Variants in LRMDA observed in about 807,000 individuals in gnomAD.
The protein encoded by LRMDA is leucine rich melanocyte differentiation associated.
Under a neutral mutation model 29.8 loss-of-function variants are expected in LRMDA, and 18 were observed. The ratio of observed to expected loss-of-function variants is 0.60; its 90% confidence interval spans 0.42 to 0.90. The LOEUF is 0.90. Ranked by LOEUF, LRMDA falls within the 40% of genes least tolerant of loss-of-function variation. LRMDA has a pLI of 0.00. For synonymous variants in LRMDA, 125 were observed against 109.4 expected, an observed-to-expected ratio of 1.14 and a Z score of -0.89; for missense variants, 273 against 273.9, an observed-to-expected ratio of 1.00 and a Z score of 0.02.
intron 2 of LRMDA, among the ~76,000 whole-genome samples, chr10:75,733,774 C>G (rs1420310758): frequency 6.6e-6 from 1 of 152,132 alleles, no homozygotes; most frequent in Non-Finnish European, 1.5e-5. Flanking sequence ...CTTTTAAGGT[C>G]TTGTGTCTTT....
At chr10:76,025,550 G>T (rs532496523) in intron 2 of LRMDA, among the ~76,000 whole-genome samples, 1 of 151,998 alleles carries the variant, frequency 6.6e-6, no homozygotes, top group African/African-American at 2.4e-5. Flanking sequence ...CATGACTTGT[G>T]CATCATTTGT....
intron 2 of LRMDA, among the ~76,000 whole-genome samples, chr10:75,718,533 A>G (rs1197380736): frequency 6.6e-6 from 1 of 152,252 alleles, no homozygotes; most frequent in Non-Finnish European, 1.5e-5. Flanking sequence ...CAGAGGGCCT[A>G]GGAGCAGGAG....
chr10:75,562,286 TG>T (rs925414725), intron 2 of LRMDA, among the ~76,000 whole-genome samples: 29 of 152,292 alleles, frequency 1.9e-4, no homozygotes, highest in African/African-American at 7.0e-4. Flanking sequence ...CATTATGTAA[TG>T]GCCTTCTTTG....
intron 2 of LRMDA, among the ~76,000 whole-genome samples, chr10:75,837,234 T>C (rs1475451501): frequency 6.6e-6 from 1 of 152,034 alleles, no homozygotes; most frequent in Non-Finnish European, 1.5e-5. Flanking sequence ...TGAGCGATAG[T>C]ATTAGGTGGG....
intron 6 of LRMDA, among the ~76,000 whole-genome samples, chr10:76,362,119 G>A (rs936666238): frequency 3.3e-5 from 5 of 152,152 alleles, no homozygotes; most frequent in Non-Finnish European, 7.3e-5. Flanking sequence ...CACATAACAC[G>A]ACACTGCCAT....
intron 5 of LRMDA, among the ~76,000 whole-genome samples, chr10:76,063,928 G>A (rs1397204589): frequency 6.6e-6 from 1 of 152,138 alleles, no homozygotes; most frequent in African/African-American, 2.4e-5. Context: ...TCGCCCCTGG[G>A]GTGCCAGCTC....
intron 2 of LRMDA, among the ~76,000 whole-genome samples, chr10:75,986,638 G>T (rs1250645949): frequency 1.3e-5 from 2 of 152,266 alleles, no homozygotes; most frequent in Non-Finnish European, 2.9e-5. Flanking sequence ...ACATCTTCAT[G>T]GATTTGCACA....
In LRMDA at chr10:76,392,921, T is replaced by G. The variant is rs1386317042; in HGVS notation, c.601+68436T>G. Among the ~76,000 whole-genome samples, 4 of 152,136 alleles carry G rather than the reference T, an allele frequency of 2.6e-5. No homozygotes were observed. In the East Asian group the frequency reaches 7.7e-4, roughly 29 times the overall value. ...GTTTAACTTTTTTAGGATCCACATATAAGTGAGATCATGTGGTATTTGTCT... is the reference window on the plus strand; with the variant it reads ...GTTTAACTTTTTTAGGATCCACATAGAAGTGAGATCATGTGGTATTTGTCT... On this transcript the variant is annotated intron_variant, in intron 6 of 6. Transcript: ENST00000611255.
At chr10:75,805,904 C>T (rs1379575106) in intron 2 of LRMDA, among the ~76,000 whole-genome samples, 1 of 152,062 alleles carries the variant, frequency 6.6e-6, no homozygotes, top group Non-Finnish European at 1.5e-5. Context: ...GCCATTCTTG[C>T]CTTGCTCTAG....
At chr10:75,902,535 T>A (rs1343240969) in intron 2 of LRMDA, among the ~76,000 whole-genome samples, 2 of 143,364 alleles carry the variant, frequency 1.4e-5, no homozygotes, top group Non-Finnish European at 3.0e-5. Context: ...AAATCTATTT[T>A]ATTCTTTCTG....
intron 2 of LRMDA, among the ~76,000 whole-genome samples, chr10:75,479,317 A>G (rs935272565): frequency 6.6e-6 from 1 of 151,940 alleles, no homozygotes; most frequent in Non-Finnish European, 1.5e-5. Flanking sequence ...ACCATCCTAC[A>G]TAACACGGTG....
chr10:75,614,440 C>G (rs78296251), intron 2 of LRMDA, among the ~76,000 whole-genome samples: 6,825 of 152,258 alleles, frequency 0.045, 229 homozygotes, highest in Non-Finnish European at 0.073. Context: ...GCTGCCTTGT[C>G]TGCACAGTGC....
intron 2 of LRMDA, among the ~76,000 whole-genome samples, chr10:75,773,298 A>G (rs1342954583): frequency 6.6e-6 from 1 of 152,204 alleles, no homozygotes; most frequent in African/African-American, 2.4e-5. Context: ...AGAGGCTGCA[A>G]TGGAAAGATT....
rs866067958 is a variant in LRMDA at position 75,529,713 on chromosome 10, T to C, written c.131+91219T>C. On this transcript the variant is annotated intron_variant, in intron 2 of 6. Coordinates refer to ENST00000611255, the MANE Select transcript of LRMDA (RefSeq NM_001305581.2). The stretch of plus-strand genomic sequence containing the variant: ...TTGTTATTGAATTATCAGTAGAGAA[T>C]TCTTAACTCCTGGGAAAATAAAAAA... 6.6e-5 allele frequency among the ~76,000 whole-genome samples: 10 copies of C among 152,220 alleles called. No homozygotes were observed. The South Asian group carries it at 1.2e-3, about 19-fold the overall frequency.
At chr10:75,914,135 A>AT (rs112215299) in intron 2 of LRMDA, among the ~76,000 whole-genome samples, 6 of 151,932 alleles carry the variant, frequency 3.9e-5, no homozygotes, top group Admixed American at 1.3e-4. Context: ...CTGCGCAAGG[A>AT]TTTTTTTTTC....
At chr10:76,414,464 G>C (rs1841994551) in intron 6 of LRMDA, among the ~76,000 whole-genome samples, 1 of 152,036 alleles carries the variant, frequency 6.6e-6, no homozygotes, top group East Asian at 1.9e-4. Flanking sequence ...AACCCTACAA[G>C]TGCTGGGCCT....
chr10:76,101,295 T>G (rs1178501036), intron 5 of LRMDA, among the ~76,000 whole-genome samples: 1 of 152,228 alleles, frequency 6.6e-6, no homozygotes, highest in African/African-American at 2.4e-5. Flanking sequence ...CACATCTTGG[T>G]CTTATTAGGT....
intron 5 of LRMDA, among the ~76,000 whole-genome samples, chr10:76,110,707 C>G (rs1029376167): frequency 2.0e-5 from 3 of 152,204 alleles, no homozygotes; most frequent in Admixed American, 2.0e-4. Flanking sequence ...CTCATTTTCT[C>G]TTGCCGCTGC....
At chr10:76,265,390 G>A (rs1589401413) in intron 5 of LRMDA, among the ~76,000 whole-genome samples, 1 of 152,008 alleles carries the variant, frequency 6.6e-6, no homozygotes, top group East Asian at 1.9e-4. Context: ...ATCAATACTG[G>A]GCTCAGTGGT....
Sources: gnomAD v4.1 joint callset for allele counts (sites outside exome capture counted in the v4.1 genomes callset) on GRCh38, gnomAD v4.1.1 for gene constraint, MANE v1.5 for transcripts, NCBI Gene and HGNC (gene_info 2026-07-23, HGNC 2026-07-21) for gene names.